Variants in KCNC2 observed in about 807,000 individuals in gnomAD.
The protein encoded by KCNC2 is voltage-gated potassium channel KCNC2.
In KCNC2, 21 loss-of-function variants were observed where a neutral mutation model predicts 44.5. The ratio of observed to expected loss-of-function variants is 0.47; its 90% CI spans 0.33 to 0.68. The LOEUF (loss-of-function observed/expected upper bound fraction) is 0.68. Ranked by LOEUF, KCNC2 falls within the 30% of genes least tolerant of loss-of-function variation. The probability of loss-of-function intolerance (pLI) is 0.01; values close to 1 mark genes in which losing one functional copy is unlikely to be tolerated. For missense variants in KCNC2, 589 were observed against 826.2 expected, an observed-to-expected ratio of 0.71 and a Z score of 3.52; for synonymous variants, 391 against 339.1, an observed-to-expected ratio of 1.15 and a Z score of -1.68.
intron 2 of KCNC2, among the ~76,000 whole-genome samples, chr12:75,201,582 C>T (rs560767169): frequency 2.6e-5 from 4 of 151,902 alleles, no homozygotes; most frequent in African/African-American, 9.6e-5. Context: ...GAGCGTAGGT[C>T]TCTTAGGTCT....
intron 2 of KCNC2, among the ~76,000 whole-genome samples, chr12:75,115,196 A>G (rs1887573256): frequency 6.6e-6 from 1 of 152,104 alleles, no homozygotes; most frequent in South Asian, 2.1e-4. Context: ...CTCTGTATTC[A>G]CTTACTGTGA....
intron 2 of KCNC2, among the ~76,000 whole-genome samples, chr12:75,154,795 A>G (rs1208168057): frequency 1.3e-5 from 2 of 152,068 alleles, no homozygotes; most frequent in Non-Finnish European, 2.9e-5. Context: ...TACTGGTGCT[A>G]TAAAACTAAA....
rs1233030791 is a variant in KCNC2 at position 75,127,411 on chromosome 12, T to C, written c.688-76094A>G. ...CAGGCAGTCTCAATAGTCTGTATTA[T>C]TTCATTCTAGTGATTGGAATTAATA... On this transcript the variant is annotated intron_variant, in intron 2 of 4. Coordinates refer to ENST00000549446, the MANE Select transcript of KCNC2 (RefSeq NM_139137.4). Among the ~76,000 whole-genome samples the C allele has an allele frequency of 2.6e-5, 4 of 152,242 alleles. No individual in the cohort carries two copies. The South Asian group carries it at 6.2e-4, about 24-fold the overall frequency.
intron 2 of KCNC2, among the ~76,000 whole-genome samples, chr12:75,151,306 T>G (rs994226166): frequency 4.6e-5 from 7 of 152,000 alleles, no homozygotes; most frequent in African/African-American, 1.4e-4. Context: ...AACCACAGAA[T>G]AGTCTTCACA....
At chr12:75,072,404 A>G (rs1883509526) in intron 2 of KCNC2, among the ~76,000 whole-genome samples, 1 of 152,152 alleles carries the variant, frequency 6.6e-6, no homozygotes, top group East Asian at 1.9e-4. Flanking sequence ...AATACATTGA[A>G]AGGAAGGGAA....
At chr12:75,125,136 A>G (rs936306206) in intron 2 of KCNC2, among the ~76,000 whole-genome samples, 6 of 152,138 alleles carry the variant, frequency 3.9e-5, no homozygotes, top group African/African-American at 1.4e-4. Context: ...TTCTGGGCAA[A>G]AATGGTAACC....
chr12:75,082,631 T>A (rs1884618469), intron 2 of KCNC2, among the ~76,000 whole-genome samples: 1 of 151,286 alleles, frequency 6.6e-6, no homozygotes, highest in Admixed American at 6.6e-5. Flanking sequence ...AATATGGAAG[T>A]AACCTCAATA....
At chr12:75,076,258 A>C (rs948990626) in intron 2 of KCNC2, among the ~76,000 whole-genome samples, 11 of 151,884 alleles carry the variant, frequency 7.2e-5, no homozygotes, top group Non-Finnish European at 1.3e-4. Flanking sequence ...TCTTTATTTT[A>C]TTTTATTATT....
intron 2 of KCNC2, among the ~76,000 whole-genome samples, chr12:75,202,096 C>G (rs774152307): frequency 1.3e-5 from 2 of 151,836 alleles, no homozygotes; most frequent in South Asian, 2.1e-4. Context: ...CTATACCTTC[C>G]TTTTCAGTTG....
At chr12:75,072,252 A>G (rs1041774042) in intron 2 of KCNC2, among the ~76,000 whole-genome samples, 3 of 152,208 alleles carry the variant, frequency 2.0e-5, no homozygotes, top group Admixed American at 1.3e-4. Context: ...GAAGAACTAA[A>G]GTCGCCTTGA....
At chr12:75,061,881 G>A (rs1882376600) in intron 2 of KCNC2, among the ~76,000 whole-genome samples, 1 of 152,110 alleles carries the variant, frequency 6.6e-6, no homozygotes, top group East Asian at 1.9e-4. Context: ...GAAGCATCAG[G>A]AAAGGAAGAA....
chr12:75,061,716 C>T (rs1358618418), intron 2 of KCNC2, among the ~76,000 whole-genome samples: 2 of 151,960 alleles, frequency 1.3e-5, no homozygotes, highest in South Asian at 2.1e-4. Context: ...TGAGTCCTAA[C>T]GTCAAATATT....
chr12:75,204,214 C>T (rs566342954), intron 2 of KCNC2, among the ~76,000 whole-genome samples: 3 of 151,814 alleles, frequency 2.0e-5, no homozygotes, highest in Admixed American at 2.0e-4. Context: ...ATAAAATATA[C>T]ACTTATTTAC....
intron 2 of KCNC2, among the ~76,000 whole-genome samples, chr12:75,123,047 A>G (rs919523331): frequency 3.3e-5 from 5 of 152,116 alleles, no homozygotes; most frequent in African/African-American, 1.2e-4. Flanking sequence ...ATTCCTTTAA[A>G]AAGTAAGTAC....
intron 2 of KCNC2, among the ~76,000 whole-genome samples, chr12:75,187,645 C>G (rs1893042894): frequency 6.6e-6 from 1 of 152,166 alleles, no homozygotes; most frequent in Non-Finnish European, 1.5e-5. Context: ...CCAGAAGCAA[C>G]CTTACTTGGA....
chr12:75,080,776 C>G (rs527297170), intron 2 of KCNC2, among the ~76,000 whole-genome samples: 16 of 152,144 alleles, frequency 1.1e-4, no homozygotes, highest in Admixed American at 2.0e-4. Context: ...TCTCTCTCCC[C>G]CTCCGCCCAC....
chr12:75,138,610 G>T (rs1296986813), intron 2 of KCNC2, among the ~76,000 whole-genome samples: 3 of 152,076 alleles, frequency 2.0e-5, no homozygotes, highest in Non-Finnish European at 4.4e-5. Flanking sequence ...TGTATTTACT[G>T]AGTTGACTTT....
chr12:75,166,830 G>C (rs1040449374), intron 2 of KCNC2, among the ~76,000 whole-genome samples: 1 of 151,104 alleles, frequency 6.6e-6, no homozygotes, highest in Non-Finnish European at 1.5e-5. Flanking sequence ...AACATTTATA[G>C]CTCTAAACAC....
Position 75,208,010 on chromosome 12 carries a change from G to T in KCNC2, c.-19-8C>A. On this transcript the variant is annotated splice_polypyrimidine_tract_variant and splice_region_variant and intron_variant, in intron 1 of 4. Coordinates refer to ENST00000549446, the MANE Select transcript of KCNC2 (RefSeq NM_139137.4). ...TCTGTGACTCAGACATGACTAGGGG[G>T]AGGCAAACACAGCGCCGAGTTAAAG... 2.5e-6 allele frequency: 4 copies of T among 1,610,388 alleles called. No homozygotes were observed. The highest frequency in any genetic ancestry group is 1.7e-6 in the Non-Finnish European group (2 of 1,179,210).
Sources: gnomAD v4.1 joint callset for allele counts (sites outside exome capture counted in the v4.1 genomes callset) on GRCh38, gnomAD v4.1.1 for gene constraint, MANE v1.5 for transcripts, NCBI Gene and HGNC (gene_info 2026-07-23, HGNC 2026-07-21) for gene names.